CDH8: variants seen among roughly 807,000 people sequenced by gnomAD.
CDH8 encodes the protein cadherin 8, also known as cadherin-8.
Under a neutral mutation model 68.1 loss-of-function variants are expected in CDH8, and 17 were observed. That is an observed-to-expected ratio of 0.25 (90% confidence interval 0.17 to 0.37). The LOEUF is 0.37. Ranked by LOEUF, CDH8 falls within the 10% of genes least tolerant of loss-of-function variation. CDH8 has a pLI of 1.00. For synonymous variants in CDH8, 372 were observed against 365.1 expected, an observed-to-expected ratio of 1.02 and a Z score of -0.21; for missense variants, 763 against 999.3, an observed-to-expected ratio of 0.76 and a Z score of 3.19.
At chr16:61,735,140 A>G (rs939139321) in intron 8 of CDH8, among the ~76,000 whole-genome samples, 2 of 152,044 alleles carry the variant, frequency 1.3e-5, no homozygotes, top group African/African-American at 4.8e-5. Context: ...TTTAAGGCCT[A>G]CCTAGGTGAT....
At chr16:61,971,196 C>A (rs1273325113) in intron 2 of CDH8, among the ~76,000 whole-genome samples, 1 of 152,140 alleles carries the variant, frequency 6.6e-6, no homozygotes, top group African/African-American at 2.4e-5. Flanking sequence ...GGACTCAGCC[C>A]ACCTGCACCC....
rs531846103 is a variant in CDH8, at chr16:61,931,862, T to C, written c.253-30389A>G. 2.6e-5 allele frequency among the ~76,000 whole-genome samples: 4 copies of C among 152,298 alleles called. No homozygotes were observed. The South Asian group carries it at 6.2e-4, about 24-fold the overall frequency. On this transcript the variant is annotated intron_variant, in intron 2 of 11. Coordinates refer to ENST00000577390, the MANE Select transcript of CDH8 (RefSeq NM_001796.5). ...ATGTTCGAGGGAGCTCATGCACATA[T>C]ACACAGATCTAACGTACAACTGGCT...
At chr16:61,913,594 A>G (rs985587083) in intron 2 of CDH8, among the ~76,000 whole-genome samples, 13 of 152,162 alleles carry the variant, frequency 8.5e-5, no homozygotes, top group Middle Eastern at 3.4e-3. Context: ...TGCACCACTG[A>G]AAAGTGTGTG....
At chr16:61,960,025 C>A (rs1034678254) in intron 2 of CDH8, among the ~76,000 whole-genome samples, 1 of 20,630 alleles carries the variant, frequency 4.8e-5, no homozygotes. Context: ...TACACACATA[C>A]ACACACACAC....
At chr16:61,911,562 T>C (rs1047863804) in intron 2 of CDH8, among the ~76,000 whole-genome samples, 1 of 152,084 alleles carries the variant, frequency 6.6e-6, no homozygotes, top group Admixed American at 6.5e-5. Context: ...GATTCTTCTA[T>C]AAAGAGTTTT....
At chr16:61,714,958 T>C (rs1964696658) in intron 9 of CDH8, among the ~76,000 whole-genome samples, 1 of 151,560 alleles carries the variant, frequency 6.6e-6, no homozygotes, top group Non-Finnish European at 1.5e-5. Context: ...AAAATTCCTT[T>C]TGAGAAGGGG....
chr16:61,852,493 G>T (rs1014206507), intron 4 of CDH8, among the ~76,000 whole-genome samples: 3 of 152,042 alleles, frequency 2.0e-5, no homozygotes, highest in Non-Finnish European at 2.9e-5. Flanking sequence ...ATCTGAGCAA[G>T]AGTTTATTAT....
At position 61,703,856 on chromosome 16, in the gene CDH8, T is replaced by C. The variant is rs146694746; in HGVS notation, c.1654+9985A>G. ...TATAAAAAAAAAAAGTTTTCATGCGTATTACTGATATATATTATATGTATT... is the reference window on the plus strand; with the variant it reads ...TATAAAAAAAAAAAGTTTTCATGCGCATTACTGATATATATTATATGTATT... On this transcript the variant is annotated intron_variant, in intron 10 of 11. Coordinates refer to ENST00000577390, the MANE Select transcript of CDH8 (RefSeq NM_001796.5). Among the ~76,000 whole-genome samples, 4 of 152,222 alleles carry C rather than the reference T, an allele frequency of 2.6e-5. No homozygotes were observed. The East Asian group carries it at 7.7e-4, about 29-fold the overall frequency.
intron 9 of CDH8, among the ~76,000 whole-genome samples, chr16:61,717,002 A>T (rs930237771): frequency 6.6e-6 from 1 of 151,704 alleles, no homozygotes; most frequent in Non-Finnish European, 1.5e-5. Context: ...CATACCGAGT[A>T]GAGGGCAACT....
intron 8 of CDH8, among the ~76,000 whole-genome samples, chr16:61,737,149 G>C (rs1959719807): frequency 6.6e-6 from 1 of 152,158 alleles, no homozygotes; most frequent in Non-Finnish European, 1.5e-5. Context: ...ATACTGCCAA[G>C]TCTAAGTTAC....
chr16:61,933,382 C>T (rs1964576021), intron 2 of CDH8, among the ~76,000 whole-genome samples: 1 of 152,130 alleles, frequency 6.6e-6, no homozygotes, highest in Admixed American at 6.5e-5. Context: ...GGATATTGAA[C>T]TTTTACCCAC....
chr16:61,738,499 G>A (rs575173434), intron 8 of CDH8, among the ~76,000 whole-genome samples: 1 of 152,156 alleles, frequency 6.6e-6, no homozygotes, highest in African/African-American at 2.4e-5. Context: ...AATCCGATGG[G>A]GAAAAGATTT....
chr16:61,650,706 T>TGTGTGA lies in CDH8; in HGVS notation c.*2901_*2902insTCACAC, dbSNP rs745949180. ...GTGTGTGTGTGTGTGTGTGTGTGTGTGAGAGAGAGAGAGAGAGAGAGAGAG... is the reference window on the plus strand; with the variant it reads ...GTGTGTGTGTGTGTGTGTGTGTGTGTGTGTGAGAGAGAGAGAGAGAGAGAGAGAGAG... On this transcript the variant is annotated 3_prime_UTR_variant, in exon 12 of 12. Transcript: ENST00000577390. 338 of 116,646 alleles carry TGTGTGA rather than the reference T, an allele frequency of 2.9e-3. 1 individual carries two copies. The highest frequency in any genetic ancestry group is 0.01 in the African/African-American group (304 of 29,834). 7.2% of individuals were successfully genotyped at this position (116,646 alleles called of 1,614,324 possible).
chr16:61,773,130 T>C (rs1021933361), intron 8 of CDH8, among the ~76,000 whole-genome samples: 14 of 152,146 alleles, frequency 9.2e-5, no homozygotes, highest in African/African-American at 3.1e-4. Flanking sequence ...CTTCAGAAGA[T>C]ATTCTAAGTT....
chr16:61,705,439 A>C (rs942108876), intron 10 of CDH8, among the ~76,000 whole-genome samples: 22 of 152,228 alleles, frequency 1.4e-4, no homozygotes, highest in African/African-American at 5.3e-4. Context: ...GTTCACTGCC[A>C]GTACTTTATC....
At chr16:61,743,398 C>T (rs1002103872) in intron 8 of CDH8, 1 of 156,682 alleles carries the variant, frequency 6.4e-6, no homozygotes, top group Non-Finnish European at 1.5e-5. Flanking sequence ...GGGACACCCG[C>T]TTAGCCAGCC....
intron 2 of CDH8, among the ~76,000 whole-genome samples, chr16:61,911,988 T>G (rs569524155): frequency 6.6e-6 from 1 of 152,106 alleles, no homozygotes; most frequent in East Asian, 1.9e-4. Flanking sequence ...TCAAAGAGCT[T>G]GATTAACAAG....
intron 2 of CDH8, among the ~76,000 whole-genome samples, chr16:62,007,886 T>G (rs1241672321): frequency 6.6e-6 from 1 of 152,132 alleles, no homozygotes; most frequent in Non-Finnish European, 1.5e-5. Context: ...TGTGATCCTG[T>G]GAAAATCTCT....
chr16:61,721,770 C>T (rs62050476), intron 9 of CDH8, among the ~76,000 whole-genome samples: 20,966 of 150,620 alleles, frequency 0.14, 1,537 homozygotes, highest in African/African-American at 0.2. Flanking sequence ...TTGCGACATC[C>T]TAGAAATTTC....
Sources: allele counts gnomAD v4.1 joint callset (sites outside exome capture counted in the v4.1 genomes callset), GRCh38; gene constraint gnomAD v4.1.1; transcripts MANE v1.5; gene names NCBI Gene and HGNC (gene_info 2026-07-23, HGNC 2026-07-21).